The following KIAA1217 variants were observed in gnomAD, a reference collection of about 807,000 sequenced individuals.
KIAA1217 encodes KIAA1217.
Under a neutral mutation model 163.9 loss-of-function variants are expected in KIAA1217, and 88 were observed. That is an observed-to-expected ratio of 0.54 (90% CI 0.45 to 0.64). The LOEUF (loss-of-function observed/expected upper bound fraction) is 0.64. KIAA1217 is among the 30% of genes least tolerant of loss of function. The probability of loss-of-function intolerance (pLI) is 0.00; values close to 1 mark genes in which losing one functional copy is unlikely to be tolerated. For synonymous variants in KIAA1217, 903 were observed against 923.1 expected, an observed-to-expected ratio of 0.98 and a Z score of 0.39; for missense variants, 2,372 against 2,475.0, an observed-to-expected ratio of 0.96 and a Z score of 0.88.
intron 2 of KIAA1217, among the ~76,000 whole-genome samples, chr10:24,087,215 T>C (rs1464457260): frequency 6.6e-6 from 1 of 152,232 alleles, no homozygotes; most frequent in Non-Finnish European, 1.5e-5. Context: ...TCATGTTAAC[T>C]AGGATCAAGT....
intron 9 of KIAA1217, among the ~76,000 whole-genome samples, chr10:24,511,365 GGGCACGGT>G: frequency 6.6e-6 from 1 of 152,044 alleles, no homozygotes; most frequent in South Asian, 2.1e-4. Flanking sequence ...CTTTTTGGCT[GGGCACGGT>G]GGCTCATGCC....
chr10:23,710,011 T>G (rs1564357024), intron 1 of KIAA1217, among the ~76,000 whole-genome samples: 1 of 152,220 alleles, frequency 6.6e-6, no homozygotes, highest in Non-Finnish European at 1.5e-5. Flanking sequence ...AAATTGAAGG[T>G]AGGAACTGTG....
chr10:24,162,040 T>C (rs951018520), intron 2 of KIAA1217, among the ~76,000 whole-genome samples: 1 of 152,244 alleles, frequency 6.6e-6, no homozygotes, highest in Non-Finnish European at 1.5e-5. Context: ...TGATGCTTTC[T>C]AGACCCAAAG....
intron 2 of KIAA1217, among the ~76,000 whole-genome samples, chr10:24,222,442 A>G (rs1339412503): frequency 1.3e-5 from 2 of 152,210 alleles, no homozygotes; most frequent in Non-Finnish European, 1.5e-5. Context: ...GTCTCGCACA[A>G]GAAAGAATTC....
At chr10:24,362,981 C>A (rs1203610645) in intron 2 of KIAA1217, among the ~76,000 whole-genome samples, 4 of 151,084 alleles carry the variant, frequency 2.6e-5, no homozygotes, top group Admixed American at 6.6e-5. Context: ...AATTTGTGAA[C>A]AAAAGTGGAA....
intron 1 of KIAA1217, among the ~76,000 whole-genome samples, chr10:23,704,172 G>GTGTGTGTGTGTATATA (rs1229370789): frequency 6.8e-4 from 27 of 39,932 alleles, no homozygotes; most frequent in African/African-American, 2.1e-3. Flanking sequence ...GTGTGTGTGT[G>GTGTGTGTGTGTATATA]TATATATATA....
chr10:23,796,170 A>T (rs957424955), intron 1 of KIAA1217, among the ~76,000 whole-genome samples: 4 of 152,132 alleles, frequency 2.6e-5, no homozygotes, highest in African/African-American at 9.7e-5. Flanking sequence ...CCCAAAGGAC[A>T]TAGGGGTGTG....
intron 2 of KIAA1217, among the ~76,000 whole-genome samples, chr10:24,118,347 T>C (rs1266719976): frequency 6.6e-6 from 1 of 152,128 alleles, no homozygotes; most frequent in Non-Finnish European, 1.5e-5. Context: ...CAGAGTTCTC[T>C]GTAGCGCAGA....
intron 1 of KIAA1217, among the ~76,000 whole-genome samples, chr10:23,710,565 G>A (rs1351192443): frequency 2.6e-5 from 4 of 152,148 alleles, no homozygotes; most frequent in Non-Finnish European, 5.9e-5. Flanking sequence ...AATTTACAAA[G>A]CATTTTGTTC....
At chr10:23,967,883 C>T (rs1346695124) in intron 1 of KIAA1217, among the ~76,000 whole-genome samples, 1 of 148,558 alleles carries the variant, frequency 6.7e-6, no homozygotes, top group African/African-American at 2.5e-5. Context: ...AAGCAACTCA[C>T]AGAATAATAT....
chr10:24,172,389 T>A (rs2065673425), intron 2 of KIAA1217, among the ~76,000 whole-genome samples: 1 of 152,130 alleles, frequency 6.6e-6, no homozygotes, highest in Non-Finnish European at 1.5e-5. Flanking sequence ...AGAAAGCATC[T>A]CAGTAACAAT....
At chr10:23,839,068 C>A (rs934224100) in intron 1 of KIAA1217, among the ~76,000 whole-genome samples, 2 of 151,864 alleles carry the variant, frequency 1.3e-5, no homozygotes, top group Non-Finnish European at 2.9e-5. Flanking sequence ...TTGATTTTTC[C>A]ACATTTTCAA....
chr10:23,804,993 A>T (rs1250176734), intron 1 of KIAA1217, among the ~76,000 whole-genome samples: 1 of 152,208 alleles, frequency 6.6e-6, no homozygotes, highest in Non-Finnish European at 1.5e-5. Flanking sequence ...ATTAAAAAGT[A>T]AAAGAATAAC....
chr10:24,317,346 C>T (rs182892656), intron 2 of KIAA1217, among the ~76,000 whole-genome samples: 17 of 152,154 alleles, frequency 1.1e-4, no homozygotes, highest in African/African-American at 2.2e-4. Context: ...CTCAAATTTC[C>T]GGACTCAAGC....
intron 1 of KIAA1217, among the ~76,000 whole-genome samples, chr10:23,758,008 C>G (rs911964127): frequency 6.6e-6 from 1 of 152,052 alleles, no homozygotes; most frequent in Non-Finnish European, 1.5e-5. Context: ...TGTGGGTTGT[C>G]TTTTTACTCC....
At chr10:24,415,585 A>T (rs2058176368) in intron 3 of KIAA1217, among the ~76,000 whole-genome samples, 1 of 152,028 alleles carries the variant, frequency 6.6e-6, no homozygotes, top group South Asian at 2.1e-4. Context: ...CTACCAGAAC[A>T]CAAGCCACCA....
At chr10:23,772,072 A>G (rs971875400) in intron 1 of KIAA1217, among the ~76,000 whole-genome samples, 2 of 152,226 alleles carry the variant, frequency 1.3e-5, no homozygotes, top group African/African-American at 4.8e-5. Flanking sequence ...ATGTTAGTAA[A>G]TATTAGCAGA....
chr10:23,875,193 A>C lies in KIAA1217; in HGVS notation c.-320-132032A>C, dbSNP rs937180383. On this transcript the variant is annotated intron_variant, in intron 1 of 18. Coordinates refer to the KIAA1217 transcript ENST00000376462. ...GGCTCCAGTTTCAACACTGAAGATC[A>C]CATTTTAACATGAGATTTGGAGGGG... Among the ~76,000 whole-genome samples, 4 of 145,750 alleles carry C rather than the reference A, an allele frequency of 2.7e-5. No individual in the cohort carries two copies. The East Asian group carries it at 7.9e-4, about 29-fold the overall frequency.
intron 2 of KIAA1217, among the ~76,000 whole-genome samples, chr10:24,151,012 G>T (rs1425797934): frequency 6.6e-6 from 1 of 152,080 alleles, no homozygotes; most frequent in Non-Finnish European, 1.5e-5. Flanking sequence ...AGACTTAGGG[G>T]GCTAGAGAAG....
Sources: gnomAD v4.1 joint callset for allele counts (sites outside exome capture counted in the v4.1 genomes callset) on GRCh38, gnomAD v4.1.1 for gene constraint, MANE v1.5 for transcripts, NCBI Gene and HGNC (gene_info 2026-07-23, HGNC 2026-07-21) for gene names.